The following NBEAL1 variants were observed in gnomAD, a reference collection of about 807,000 sequenced individuals.
NBEAL1 encodes the protein neurobeachin like 1, also known as neurobeachin-like protein 1.
In NBEAL1, 273 loss-of-function variants were observed where a neutral mutation model predicts 351.3. The ratio of observed to expected loss-of-function variants is 0.78; its 90% CI spans 0.70 to 0.86. The LOEUF is 0.86. NBEAL1 is among the 40% of genes least tolerant of loss of function. The probability of loss-of-function intolerance (pLI) is 0.00; values close to 1 mark genes in which losing one functional copy is unlikely to be tolerated. For missense variants in NBEAL1, 2,961 were observed against 3,201.3 expected (o/e 0.92, Z 1.81); for synonymous variants, 1,050 against 1,086.4 (o/e 0.97, Z 0.66).
At chr2:203,160,140 C>T (rs562831068) in intron 36 of NBEAL1, among the ~76,000 whole-genome samples, 18 of 147,374 alleles carry the variant, frequency 1.2e-4, no homozygotes, top group Non-Finnish European at 2.4e-4. Flanking sequence ...AGTGCAGTGG[C>T]GAGATCTTGG....
At chr2:203,184,085 A>G (rs1039796345) in intron 44 of NBEAL1, among the ~76,000 whole-genome samples, 4 of 150,678 alleles carry the variant, frequency 2.7e-5, no homozygotes, top group Non-Finnish European at 5.9e-5. Flanking sequence ...AAAAAAAAAA[A>G]AAAAAAAAAA....
At chr2:203,154,288 A>C (rs2063740961) in intron 35 of NBEAL1, among the ~76,000 whole-genome samples, 1 of 152,078 alleles carries the variant, frequency 6.6e-6, no homozygotes, top group African/African-American at 2.4e-5. Context: ...AAAACTGTAC[A>C]GAAAAAAAAA....
intron 2 of NBEAL1, among the ~76,000 whole-genome samples, chr2:203,023,383 C>T (rs1028856179): frequency 8.5e-5 from 13 of 152,154 alleles, no homozygotes; most frequent in African/African-American, 3.1e-4. Context: ...TTACCACTTA[C>T]ATGTTTATTT....
At chr2:203,184,244 A>C (rs184331682) in intron 44 of NBEAL1, among the ~76,000 whole-genome samples, 34 of 152,204 alleles carry the variant, frequency 2.2e-4, no homozygotes, top group South Asian at 4.2e-4. Flanking sequence ...CAGCCTGGCC[A>C]ACATGGCAAA....
chr2:203,077,782 A>G lies in NBEAL1; in HGVS notation c.629A>G (p.Glu210Gly), dbSNP rs563895000. Residue 210 changes from glutamate to glycine, a missense_variant, in exon 8 of 56, where the codon GAA (glutamate) becomes GGA (glycine). By Grantham distance (98) the Glu-to-Gly change is moderately conservative. Coordinates refer to ENST00000683969, the MANE Select transcript of NBEAL1 (RefSeq NM_001378026.1). ...QCFQESEHLK[E>G]SLKCCLLHLF... ...TTTCAGGAAAGTGAACATCTCAAGG[A>G]AAGTCTTAAATGTTGCTTATTGCAT... is the stretch of plus-strand genomic sequence containing the variant. 3 of 1,464,296 alleles carry G rather than the reference A, an allele frequency of 2.0e-6. No homozygotes were observed. Among genetic ancestry groups the G allele is most frequent in the Non-Finnish European group, 2.7e-6 (3 of 1,102,834 alleles). The allele number at this position is 1,464,296 out of a possible 1,614,324, so 90.7% of individuals were successfully genotyped here.
At chr2:203,118,236 T>C (rs2062744707) in intron 18 of NBEAL1, among the ~76,000 whole-genome samples, 1 of 152,224 alleles carries the variant, frequency 6.6e-6, no homozygotes, top group Non-Finnish European at 1.5e-5. Context: ...CATCCCTGTA[T>C]ATTTCTACAT....
intron 46 of NBEAL1, chr2:203,190,849 G>A (rs2065053841): frequency 6.2e-7 from 1 of 1,610,812 alleles, no homozygotes; most frequent in South Asian, 1.1e-5. Flanking sequence ...TGAAGTCGGT[G>A]CCACTTCTGC....
rs373153677 is a variant in NBEAL1 at position 203,093,216 on chromosome 2, A to T, written c.1099-4331A>T. 2.2e-4 allele frequency among the ~76,000 whole-genome samples: 28 copies of T among 130,098 alleles called. 1 individual carries two copies. The East Asian group carries it at 7.0e-3, about 33-fold the overall frequency. The allele number at this position is 130,098 out of a possible 152,430, so 85.3% of individuals were successfully genotyped here. On this transcript the variant is annotated intron_variant, in intron 10 of 55. Transcript: ENST00000683969. Reference sequence around the variant, plus strand: ...CACTGCACTCCAGCCTGGGCGACAGAGGGAGACTCTGTCTAAAAAAAAAAA... The same window carrying T: ...CACTGCACTCCAGCCTGGGCGACAGTGGGAGACTCTGTCTAAAAAAAAAAA...
intron 2 of NBEAL1, among the ~76,000 whole-genome samples, chr2:203,022,007 C>T (rs1287018016): frequency 3.3e-5 from 5 of 150,680 alleles, no homozygotes; most frequent in African/African-American, 7.3e-5. Context: ...CCTGAGATCT[C>T]GCCACTACAC....
At chr2:203,196,111 C>G (rs2065234981) in intron 47 of NBEAL1, among the ~76,000 whole-genome samples, 1 of 152,220 alleles carries the variant, frequency 6.6e-6, no homozygotes, top group Non-Finnish European at 1.5e-5. Context: ...CCCTATTTGA[C>G]CCATAATCTG....
chr2:203,139,829 A>G (rs925419956), intron 31 of NBEAL1, among the ~76,000 whole-genome samples: 1 of 151,700 alleles, frequency 6.6e-6, no homozygotes, highest in Non-Finnish European at 1.5e-5. Flanking sequence ...AGCCTTCCAA[A>G]GTGCTGGATT....
rs755532070 is a variant in NBEAL1, at chr2:203,036,517, A to T, written c.52-5248A>T. Among the ~76,000 whole-genome samples the T allele has an allele frequency of 1.9e-4, 29 of 149,230 alleles. 2 individuals are homozygous for T. The highest frequency in any genetic ancestry group is 7.5e-5 in the Non-Finnish European group (5 of 66,588). On this transcript the variant is annotated intron_variant, in intron 2 of 55. Transcript: ENST00000683969. ...TACTAGCTGTGTGACTGGACAAATTATACATCTTTAGAACTTCCCTTTTCT... is the reference window on the plus strand; with the variant it reads ...TACTAGCTGTGTGACTGGACAAATTTTACATCTTTAGAACTTCCCTTTTCT...
In NBEAL1 at chr2:203,136,031, G is replaced by A. The variant is rs1464178541; in HGVS notation, c.4168G>A (p.Glu1390Lys). 1.2e-6 allele frequency: 2 copies of A among 1,613,598 alleles called. No homozygotes were observed. The highest frequency in any genetic ancestry group is 2.2e-5 in the East Asian group (1 of 44,864). ...ATTGTCTTTCAAATCAGAGAATCAAGAGGAATTCTGGCATAGTAACCCTTC... is the reference window on the plus strand; with the variant it reads ...ATTGTCTTTCAAATCAGAGAATCAAAAGGAATTCTGGCATAGTAACCCTTC... ...GELSFKSENQ[E>K]EFWHSNPSHL... The change falls in exon 28 of 56, where the codon GAG (glutamate) becomes AAG (lysine). Residue 1390 changes from glutamate to lysine, a missense_variant. Transcript: ENST00000683969.
intron 13 of NBEAL1, 23 bp from the exon 14 acceptor site, chr2:203,107,585 T>G: frequency 6.5e-7 from 1 of 1,547,792 alleles, no homozygotes; most frequent in Middle Eastern, 1.7e-4. Context: ...AACTAACCTT[T>G]TATCTTTTAT....
Position 203,132,052 on chromosome 2 carries a change from C to G in NBEAL1, c.3644C>G (p.Ser1215Trp). The change falls in exon 26 of 56, where the codon TCG becomes TGG. Residue 1215 changes from serine to tryptophan, a missense_variant. Coordinates refer to ENST00000683969, the MANE Select transcript of NBEAL1 (RefSeq NM_001378026.1). Reference protein sequence around the residue: ...QHIRLREVGYSGLGLLLNEAL... With the variant: ...QHIRLREVGYWGLGLLLNEAL... The stretch of plus-strand genomic sequence containing the variant: ...ATTCGACTCAGAGAAGTTGGCTACT[C>G]GGGACTGGGACTCCTTCTTAATGAA... The G allele has an allele frequency of 1.3e-6, 2 of 1,554,116 alleles. No individual in the cohort carries two copies. The highest frequency in any genetic ancestry group is 1.7e-6 in the Non-Finnish European group (2 of 1,147,296).
rs889909245 is a variant in NBEAL1, at chr2:203,221,026, G to A, written c.*3672G>A. Among the ~76,000 whole-genome samples, 1 of 152,138 alleles carries A rather than the reference G, an allele frequency of 6.6e-6. No individual in the cohort carries two copies. Among genetic ancestry groups the A allele is most frequent in the South Asian group, 2.1e-4 (1 of 4,816 alleles). ...ATTAAAATTATCCTTCAGAGTACTTGTATTGAAAATCAAGTTTATGCTTCT... is the reference window on the plus strand; with the variant it reads ...ATTAAAATTATCCTTCAGAGTACTTATATTGAAAATCAAGTTTATGCTTCT... On this transcript the variant is annotated 3_prime_UTR_variant, in exon 56 of 56. Transcript: ENST00000683969.
intron 48 of NBEAL1, 29 bp downstream of exon 48, chr2:203,197,420 G>T (rs2065268958): frequency 7.6e-7 from 1 of 1,311,722 alleles, no homozygotes; most frequent in Admixed American, 1.7e-5. Flanking sequence ...TTTTCACACT[G>T]CTATGCCTAT....
chr2:203,100,779 C>T (rs554572844), intron 12 of NBEAL1, among the ~76,000 whole-genome samples: 19 of 152,134 alleles, frequency 1.2e-4, no homozygotes, highest in South Asian at 1.0e-3. Context: ...AACTCCCAAC[C>T]GCAGGTGATC....
chr2:203,144,267 C>G (rs919799095), intron 31 of NBEAL1, among the ~76,000 whole-genome samples: 1 of 151,554 alleles, frequency 6.6e-6, no homozygotes, highest in Non-Finnish European at 1.5e-5. Context: ...GGTTTCTCTC[C>G]TAAAATGTGT....
Sources: gnomAD v4.1 joint callset for allele counts (sites outside exome capture counted in the v4.1 genomes callset) on GRCh38, gnomAD v4.1.1 for gene constraint, MANE v1.5 for transcripts, NCBI Gene and HGNC (gene_info 2026-07-23, HGNC 2026-07-21) for gene names.